The following TENM3 variants were observed in gnomAD, a reference collection of about 807,000 sequenced individuals.
TENM3 encodes the protein teneurin-3.
A neutral mutation model predicts 255.1 loss-of-function variants in TENM3; 63 were observed. That is an observed-to-expected ratio of 0.25 (90% confidence interval 0.20 to 0.30). TENM3 has a LOEUF of 0.30. Among genes scored for constraint, TENM3 ranks in the 10% least tolerant of loss-of-function variants. The pLI, the probability that TENM3 is intolerant of heterozygous loss-of-function variation, is 1.00. For missense variants in TENM3, 2,929 were observed against 3,461.1 expected, an observed-to-expected ratio of 0.85 and a Z score of 3.86; for synonymous variants, 1,306 against 1,322.3, an observed-to-expected ratio of 0.99 and a Z score of 0.27.
At chr4:182,562,950 A>G (rs1005648484) in intron 3 of TENM3, among the ~76,000 whole-genome samples, 5 of 152,264 alleles carry the variant, frequency 3.3e-5, no homozygotes, top group Middle Eastern at 3.4e-3. Flanking sequence ...AAATTTAAAG[A>G]TCAATACTTT....
the TENM3 span, among the ~76,000 whole-genome samples, chr4:181,747,983 G>A: frequency 2.0e-5 from 3 of 151,688 alleles, no homozygotes; most frequent in Non-Finnish European, 4.4e-5. Context: ...CATTCTCTTG[G>A]CATGTCTCTA....
the TENM3 span, among the ~76,000 whole-genome samples, chr4:181,751,787 C>T: frequency 3.9e-5 from 6 of 152,066 alleles, no homozygotes; most frequent in African/African-American, 1.2e-4. Context: ...GTTGGTATCA[C>T]GCATTGTTTG....
At chr4:182,796,160 C>G (rs762632349) in intron 26 of TENM3, among the ~76,000 whole-genome samples, 1 of 152,200 alleles carries the variant, frequency 6.6e-6, no homozygotes, top group East Asian at 1.9e-4. Flanking sequence ...TTTTAATACT[C>G]TCAATTTAGG....
the TENM3 span, among the ~76,000 whole-genome samples, chr4:182,019,929 C>G: frequency 6.6e-6 from 1 of 152,094 alleles, no homozygotes; most frequent in Admixed American, 6.5e-5. Flanking sequence ...CCTGCCTCAG[C>G]CTCCCAAAGT....
chr4:182,587,577 C>T (rs888557747), intron 3 of TENM3, among the ~76,000 whole-genome samples: 7 of 151,844 alleles, frequency 4.6e-5, no homozygotes, highest in Non-Finnish European at 8.8e-5. Context: ...GACTTCGCCT[C>T]AAAAAAATGT....
chr4:181,663,780 C>G, the TENM3 span, among the ~76,000 whole-genome samples: 1 of 152,156 alleles, frequency 6.6e-6, no homozygotes, highest in African/African-American at 2.4e-5. Context: ...TGACTTACTT[C>G]TTCCTGAGTT....
intron 3 of TENM3, among the ~76,000 whole-genome samples, chr4:182,582,611 C>CA (rs61085703): frequency 0.11 from 16,455 of 149,080 alleles, 1,091 homozygotes; most frequent in Non-Finnish European, 0.15. Context: ...ACCAACAAAA[C>CA]AAAAAAAAAC....
chr4:181,963,894 A>G, the TENM3 span, among the ~76,000 whole-genome samples: 1 of 152,100 alleles, frequency 6.6e-6, no homozygotes, highest in Non-Finnish European at 1.5e-5. Flanking sequence ...TAGGAAGATG[A>G]CCCCTAAAAG....
At chr4:182,478,672 A>G (rs971956223) in intron 3 of TENM3, among the ~76,000 whole-genome samples, 1 of 152,008 alleles carries the variant, frequency 6.6e-6, no homozygotes, top group Non-Finnish European at 1.5e-5. Context: ...CTTTTGTACT[A>G]TTGTTCTAGA....
the TENM3 span, among the ~76,000 whole-genome samples, chr4:181,821,898 C>T: frequency 1.6e-4 from 24 of 152,258 alleles, no homozygotes; most frequent in Middle Eastern, 0.01. Context: ...AAGTACAAGG[C>T]AACAATAGAT....
At chr4:181,696,859 C>A in the TENM3 span, among the ~76,000 whole-genome samples, 2 of 152,172 alleles carry the variant, frequency 1.3e-5, no homozygotes, top group African/African-American at 2.4e-5. Flanking sequence ...AGCACTCTGA[C>A]CCCACAAAGG....
chr4:182,296,253 G>A (rs1390952454), intron 1 of TENM3, among the ~76,000 whole-genome samples: 1 of 152,116 alleles, frequency 6.6e-6, no homozygotes, highest in Non-Finnish European at 1.5e-5. Context: ...TATTTTTTAA[G>A]TTATTAAGAA....
At chr4:181,883,540 T>C in the TENM3 span, among the ~76,000 whole-genome samples, 1 of 152,196 alleles carries the variant, frequency 6.6e-6, no homozygotes, top group African/African-American at 2.4e-5. Flanking sequence ...TGTGGTGCGA[T>C]CTCGGCTCAC....
At chr4:182,358,934 G>A (rs1323950384) in intron 3 of TENM3, among the ~76,000 whole-genome samples, 2 of 151,940 alleles carry the variant, frequency 1.3e-5, no homozygotes, top group Non-Finnish European at 2.9e-5. Flanking sequence ...GTGAAGGGTT[G>A]TTGAATTTTG....
At chr4:181,477,250 T>G in the TENM3 span, among the ~76,000 whole-genome samples, 1 of 152,162 alleles carries the variant, frequency 6.6e-6, no homozygotes, top group African/African-American at 2.4e-5. Context: ...GAACTTGAGA[T>G]GAGAAGAAGG....
chr4:181,527,966 A>G, the TENM3 span, among the ~76,000 whole-genome samples: 1 of 152,130 alleles, frequency 6.6e-6, no homozygotes, highest in East Asian at 1.9e-4. Context: ...GTATGGATGT[A>G]CCACAGTGTA....
At chr4:181,791,150 G>T in the TENM3 span, among the ~76,000 whole-genome samples, 1 of 152,172 alleles carries the variant, frequency 6.6e-6, no homozygotes, top group Non-Finnish European at 1.5e-5. Flanking sequence ...TGCTTGGTGG[G>T]CAAATTGCCC....
the TENM3 span, among the ~76,000 whole-genome samples, chr4:182,118,307 T>C: frequency 1.3e-5 from 2 of 152,184 alleles, no homozygotes; most frequent in African/African-American, 4.8e-5. Context: ...TAGCTAGTAC[T>C]TCAAGTACAA....
intron 24 of TENM3, among the ~76,000 whole-genome samples, chr4:182,779,879 G>C (rs1765025800): frequency 1.3e-5 from 2 of 152,208 alleles, no homozygotes; most frequent in Admixed American, 1.3e-4. Context: ...GTCTGTTCGT[G>C]TCCTTCGCCC....
Sources: allele counts gnomAD v4.1 joint callset (sites outside exome capture counted in the v4.1 genomes callset), GRCh38; gene constraint gnomAD v4.1.1; transcripts MANE v1.5; gene names NCBI Gene and HGNC (gene_info 2026-07-23, HGNC 2026-07-21).